UNC79: variants seen among roughly 807,000 people sequenced by gnomAD.
UNC79 encodes protein unc-79 homolog.
UNC79 carries 37 observed loss-of-function variants against 283.1 expected under a neutral mutation model. That is an observed-to-expected ratio of 0.13 (90% CI 0.10 to 0.17). UNC79 has a LOEUF of 0.17. UNC79 is among the 10% of genes least tolerant of loss of function. The pLI, the probability that UNC79 is intolerant of heterozygous loss-of-function variation, is 1.00. For synonymous variants in UNC79, 1,107 were observed against 1,200.2 expected, an observed-to-expected ratio of 0.92 and a Z score of 1.61; for missense variants, 2,272 against 3,211.1, an observed-to-expected ratio of 0.71 and a Z score of 7.07.
At chr14:93,380,083 G>T (rs8016969) in intron 1 of UNC79, among the ~76,000 whole-genome samples, 2 of 152,058 alleles carry the variant, frequency 1.3e-5, no homozygotes, top group African/African-American at 2.4e-5. Context: ...GAGGATTAAA[G>T]ACACAACATA....
At chr14:93,676,630 C>G (rs991600538) in intron 41 of UNC79, among the ~76,000 whole-genome samples, 2 of 152,202 alleles carry the variant, frequency 1.3e-5, no homozygotes, top group African/African-American at 4.8e-5. Context: ...TGTGGCTGAT[C>G]TTCTTGGGGT....
intron 1 of UNC79, among the ~76,000 whole-genome samples, chr14:93,459,732 G>T (rs1384298866): frequency 8.6e-6 from 1 of 116,254 alleles, no homozygotes; most frequent in Non-Finnish European, 1.8e-5. Context: ...CTGCAGTGGC[G>T]CTATCCCGGC....
chr14:93,333,189 G>T, upstream of UNC79: 1 of 400,750 alleles, frequency 2.5e-6, no homozygotes. Context: ...TGCGTTCGCT[G>T]GATCCATGGG....
intron 4 of UNC79, among the ~76,000 whole-genome samples, chr14:93,481,089 C>T (rs1490110739): frequency 1.3e-5 from 2 of 152,122 alleles, no homozygotes; most frequent in Non-Finnish European, 2.9e-5. Context: ...CCTTACCATC[C>T]TTGTCAATAA....
At chr14:93,425,032 A>G (rs1415883527) in intron 1 of UNC79, among the ~76,000 whole-genome samples, 1 of 152,202 alleles carries the variant, frequency 6.6e-6, no homozygotes, top group Non-Finnish European at 1.5e-5. Context: ...AAAAATTCAC[A>G]TGGCAGGTGT....
rs138902797 is a variant in UNC79 at position 93,496,304 on chromosome 14, T to G, written c.713-107T>G. The G allele has an allele frequency of 2.9e-4, 195 of 662,404 alleles. No homozygotes were observed. The African/African-American group carries it at 3.3e-3, about 11-fold the overall frequency. The allele number at this position is 662,404 out of a possible 1,614,324, so 41.0% of individuals were successfully genotyped here. On this transcript the variant is annotated intron_variant, in intron 5 of 48. Coordinates refer to ENST00000555664, the Ensembl canonical transcript of UNC79. ...AGAGAAGTTATTTCTAATTTAATGA[T>G]TAGAGACTGAAAAGTCATATTGAAG... is the stretch of plus-strand genomic sequence containing the variant.
rs143264892 is a variant in UNC79, at chr14:93,681,675, C to T, written c.6742-942C>T. ...ACTCTGCACAGCAGCAGTTTCAGGT[C>T]CCAAAGTTGTTAAGGCTACTGGCCA... On this transcript the variant is annotated intron_variant, in intron 41 of 48. Coordinates refer to ENST00000555664, the Ensembl canonical transcript of UNC79. Among the ~76,000 whole-genome samples the T allele has an allele frequency of 4.9e-3, 744 of 152,268 alleles. 5 individuals carry two copies. The highest frequency in any genetic ancestry group is 7.7e-3 in the Non-Finnish European group (522 of 68,034).
chr14:93,498,944 A>G (rs1487272484), intron 7 of UNC79, among the ~76,000 whole-genome samples: 1 of 152,128 alleles, frequency 6.6e-6, no homozygotes, highest in African/African-American at 2.4e-5. Flanking sequence ...TTGCACACTG[A>G]TGTTCTGAGA....
intron 27 of UNC79, among the ~76,000 whole-genome samples, chr14:93,616,007 G>A (rs892651981): frequency 6.6e-6 from 1 of 151,802 alleles, no homozygotes; most frequent in Admixed American, 6.6e-5. Context: ...TATTTCAATG[G>A]GTTTTTGGCG....
At position 93,349,112 on chromosome 14, in the gene UNC79, C is replaced by G. The variant is rs969247145; in HGVS notation, c.-351+15589C>G. Among the ~76,000 whole-genome samples the G allele has an allele frequency of 2.0e-5, 3 of 152,214 alleles. No individual in the cohort carries two copies. In the East Asian group the frequency reaches 5.8e-4, roughly 29 times the overall value. On this transcript the variant is annotated intron_variant, in intron 1 of 49. Transcript: ENST00000256339. The stretch of plus-strand genomic sequence containing the variant: ...CACCAGAAGGAAGAAACTCCGGACA[C>G]ATTTGAACATCTGAAGGAACAAACT...
intron 41 of UNC79, among the ~76,000 whole-genome samples, chr14:93,678,151 C>T (rs1023648542): frequency 7.2e-5 from 11 of 152,164 alleles, no homozygotes; most frequent in Admixed American, 2.0e-4. Context: ...GACAACCAGG[C>T]TTACATCAGG....
At chr14:93,631,040 T>A in intron 31 of UNC79, 132 bp downstream of exon 33, 1 of 813,228 alleles carries the variant, frequency 1.2e-6, no homozygotes. Context: ...TTGGTGATAG[T>A]ATGTTGTATA....
At chr14:93,672,050 A>G (rs1183215516) in intron 40 of UNC79, among the ~76,000 whole-genome samples, 1 of 152,182 alleles carries the variant, frequency 6.6e-6, no homozygotes, top group East Asian at 1.9e-4. Flanking sequence ...CCTGGCGAGG[A>G]TATGGAGAAA....
chr14:93,479,373 C>T (rs2057999386), intron 4 of UNC79, among the ~76,000 whole-genome samples: 1 of 152,072 alleles, frequency 6.6e-6, no homozygotes, highest in Admixed American at 6.6e-5. Context: ...TTTTGGCTCA[C>T]TATAACCTCT....
intron 1 of UNC79, among the ~76,000 whole-genome samples, chr14:93,380,751 G>T (rs1382006345): frequency 6.6e-6 from 1 of 152,060 alleles, no homozygotes; most frequent in African/African-American, 2.4e-5. Flanking sequence ...AAAGATGCTT[G>T]TTTAATGTTT....
At chr14:93,588,420 G>A (rs978083153) in intron 22 of UNC79, among the ~76,000 whole-genome samples, 1 of 152,110 alleles carries the variant, frequency 6.6e-6, no homozygotes, top group African/African-American at 2.4e-5. Flanking sequence ...AGAAAAGGGA[G>A]TAGACATTAA....
chr14:93,481,160 A>C (rs1002486288), intron 4 of UNC79, among the ~76,000 whole-genome samples: 2 of 152,200 alleles, frequency 1.3e-5, no homozygotes, highest in Non-Finnish European at 2.9e-5. Flanking sequence ...AGCAAACTTC[A>C]ACTTACTTAT....
rs1197518138 is a variant in UNC79, at chr14:93,532,477, AAATT to A, written c.1094-62_1094-59del. On this transcript the variant is annotated intron_variant, in intron 10 of 48. Coordinates refer to ENST00000555664, the Ensembl canonical transcript of UNC79. Reference sequence around the variant, plus strand: ...AGAGTGAGCCACTGTCTCAAAAAATAAATTAATTAATTAAATAAAAATTAGAGGG... The same window carrying A: ...AGAGTGAGCCACTGTCTCAAAAAATAAATTAATTAAATAAAAATTAGAGGG... 4.2e-5 allele frequency: 64 copies of A among 1,526,718 alleles called. No individual in the cohort carries two copies. The East Asian group carries it at 6.3e-4, about 15-fold the overall frequency. The allele number at this position is 1,526,718 out of a possible 1,614,324, so 94.6% of individuals were successfully genotyped here.
At chr14:93,565,918 T>C (rs1320329279) in intron 14 of UNC79, among the ~76,000 whole-genome samples, 1 of 152,160 alleles carries the variant, frequency 6.6e-6, no homozygotes, top group Non-Finnish European at 1.5e-5. Flanking sequence ...TGTGGGTATC[T>C]ATTCGGTTGG....
Sources: gnomAD v4.1 joint callset for allele counts (sites outside exome capture counted in the v4.1 genomes callset) on GRCh38, gnomAD v4.1.1 for gene constraint, MANE v1.5 for transcripts, NCBI Gene and HGNC (gene_info 2026-07-23, HGNC 2026-07-21) for gene names.